The following ERBB4 variants were observed in gnomAD, a reference collection of about 807,000 sequenced individuals.
ERBB4 encodes receptor tyrosine-protein kinase erbB-4.
In ERBB4, 42 loss-of-function variants were observed where a neutral mutation model predicts 158.0. That is an observed-to-expected ratio of 0.27 (90% CI 0.21 to 0.34). The LOEUF (loss-of-function observed/expected upper bound fraction) is 0.34, where lower values mean the gene tolerates loss of function less well. Ranked by LOEUF, ERBB4 falls within the 10% of genes least tolerant of loss-of-function variation. The pLI is 1.00. For missense variants in ERBB4, 1,333 were observed against 1,624.1 expected (o/e 0.82, Z 3.08); for synonymous variants, 583 against 558.7 (o/e 1.04, Z -0.61).
At chr2:212,232,186 AAT>A (rs1362904083) in intron 1 of ERBB4, among the ~76,000 whole-genome samples, 9 of 152,126 alleles carry the variant, frequency 5.9e-5, no homozygotes, top group African/African-American at 9.7e-5. Context: ...TCAATGAGTT[AAT>A]ATATGTTGTT....
intron 1 of ERBB4, among the ~76,000 whole-genome samples, chr2:212,530,234 G>A (rs1200168978): frequency 6.6e-6 from 1 of 152,168 alleles, no homozygotes; most frequent in African/African-American, 2.4e-5. Flanking sequence ...ATCTTGGGGA[G>A]TAGCTTTTAA....
At chr2:212,009,131 G>A (rs951709987) in intron 2 of ERBB4, among the ~76,000 whole-genome samples, 1 of 151,714 alleles carries the variant, frequency 6.6e-6, no homozygotes, top group African/African-American at 2.4e-5. Flanking sequence ...TATAACTTCT[G>A]TAGTATGTTG....
intron 1 of ERBB4, among the ~76,000 whole-genome samples, chr2:212,311,202 A>C (rs573701162): frequency 6.6e-6 from 1 of 151,036 alleles, no homozygotes; most frequent in Admixed American, 6.6e-5. Flanking sequence ...GGGGTCATCA[A>C]ATTTTTATAT....
chr2:211,782,525 T>C (rs1048207241), intron 4 of ERBB4, among the ~76,000 whole-genome samples: 25 of 152,168 alleles, frequency 1.6e-4, no homozygotes, highest in African/African-American at 6.0e-4. Flanking sequence ...TTGCTTAAGG[T>C]CAAATTGCTG....
intron 1 of ERBB4, among the ~76,000 whole-genome samples, chr2:212,496,749 T>C (rs768523347): frequency 6.6e-5 from 10 of 152,222 alleles, no homozygotes; most frequent in African/African-American, 7.2e-5. Context: ...GCTGACTTCA[T>C]AAAATTACTT....
intron 25 of ERBB4, among the ~76,000 whole-genome samples, chr2:211,397,877 G>C (rs1488762246): frequency 2.0e-5 from 3 of 152,166 alleles, no homozygotes; most frequent in Non-Finnish European, 2.9e-5. Flanking sequence ...AGCCAGGCCA[G>C]AGGGCATCTA....
At chr2:211,415,455 C>T (rs2125391392) in intron 25 of ERBB4, among the ~76,000 whole-genome samples, 1 of 152,234 alleles carries the variant, frequency 6.6e-6, no homozygotes, top group East Asian at 1.9e-4. Flanking sequence ...ATTGTGTCTG[C>T]ATTATCATTT....
At chr2:211,766,758 G>T (rs62183028) in intron 4 of ERBB4, among the ~76,000 whole-genome samples, 38,997 of 151,944 alleles carry the variant, frequency 0.26, 5,211 homozygotes, top group Non-Finnish European at 0.3. Context: ...GGAATCAAAA[G>T]GAAAACCCCA....
At chr2:212,531,352 T>C (rs559520890) in intron 1 of ERBB4, among the ~76,000 whole-genome samples, 1 of 152,166 alleles carries the variant, frequency 6.6e-6, no homozygotes, top group African/African-American at 2.4e-5. Context: ...AGGTAGCATC[T>C]TACAGAAGCC....
chr2:211,710,138 G>A (rs2073638863), intron 9 of ERBB4, among the ~76,000 whole-genome samples: 1 of 152,026 alleles, frequency 6.6e-6, no homozygotes. Context: ...GAATTGAAAA[G>A]TGGCAATTTT....
At chr2:212,318,821 C>T (rs142815561) in intron 1 of ERBB4, among the ~76,000 whole-genome samples, 18 of 151,634 alleles carry the variant, frequency 1.2e-4, no homozygotes, top group Non-Finnish European at 2.4e-4. Flanking sequence ...CTGAAACTTC[C>T]GGTCTTCTTA....
chr2:212,505,350 G>C (rs1308108289), intron 1 of ERBB4, among the ~76,000 whole-genome samples: 1 of 152,116 alleles, frequency 6.6e-6, no homozygotes, highest in African/African-American at 2.4e-5. Flanking sequence ...ATCCCCATCG[G>C]CCTCCCAAAG....
chr2:211,894,864 A>C (rs375162741), intron 3 of ERBB4, among the ~76,000 whole-genome samples: 1 of 152,180 alleles, frequency 6.6e-6, no homozygotes, highest in Non-Finnish European at 1.5e-5. Context: ...TAATTTAAGG[A>C]ATCATTTGTG....
intron 18 of ERBB4, among the ~76,000 whole-genome samples, chr2:211,622,574 G>GA (rs537663482): frequency 2.0e-5 from 3 of 151,848 alleles, no homozygotes; most frequent in African/African-American, 4.8e-5. Context: ...GTTTTAAATA[G>GA]AAAAAAATGA....
intron 1 of ERBB4, among the ~76,000 whole-genome samples, chr2:212,173,047 CAT>C (rs1384445612): frequency 6.6e-6 from 1 of 151,966 alleles, no homozygotes; most frequent in Non-Finnish European, 1.5e-5. Flanking sequence ...GTTGCAGAAT[CAT>C]ATGTAGAATA....
intron 19 of ERBB4, among the ~76,000 whole-genome samples, chr2:211,570,870 T>C (rs978320663): frequency 6.6e-6 from 1 of 152,022 alleles, no homozygotes; most frequent in African/African-American, 2.4e-5. Flanking sequence ...CTCTGGAAAA[T>C]GTCATCAAAT....
At chr2:212,307,772 G>T (rs1298821697) in intron 1 of ERBB4, among the ~76,000 whole-genome samples, 1 of 150,978 alleles carries the variant, frequency 6.6e-6, no homozygotes, top group Non-Finnish European at 1.5e-5. Flanking sequence ...GCTTTAAATA[G>T]CAGGTAACAT....
intron 20 of ERBB4, among the ~76,000 whole-genome samples, chr2:211,547,572 G>A (rs1446048303): frequency 6.6e-6 from 1 of 151,894 alleles, no homozygotes. Flanking sequence ...AAGCCATAGG[G>A]GAGCAATAAA....
chr2:212,259,363 A>G (rs2084851078), intron 1 of ERBB4, among the ~76,000 whole-genome samples: 1 of 152,154 alleles, frequency 6.6e-6, no homozygotes, highest in Non-Finnish European at 1.5e-5. Flanking sequence ...AAGTTAAGAA[A>G]TTCCAGGTAA....
Sources: gnomAD v4.1 joint callset for allele counts (sites outside exome capture counted in the v4.1 genomes callset) on GRCh38, gnomAD v4.1.1 for gene constraint, MANE v1.5 for transcripts, NCBI Gene and HGNC (gene_info 2026-07-23, HGNC 2026-07-21) for gene names.